The following ATCAY variants were observed in gnomAD, a reference collection of about 807,000 sequenced individuals.
ATCAY encodes caytaxin.
Under a neutral mutation model 47.7 loss-of-function variants are expected in ATCAY, and 22 were observed. That is an observed-to-expected ratio of 0.46 (90% confidence interval 0.33 to 0.66). The LOEUF is 0.66. ATCAY is among the 30% of genes least tolerant of loss of function. ATCAY has a pLI of 0.02. For synonymous variants in ATCAY, 216 were observed against 207.6 expected, an observed-to-expected ratio of 1.04 and a Z score of -0.35; for missense variants, 452 against 515.0, an observed-to-expected ratio of 0.88 and a Z score of 1.18.
intron 2 of ATCAY, among the ~76,000 whole-genome samples, chr19:3,899,648 A>G (rs1202089068): frequency 6.6e-6 from 1 of 152,120 alleles, no homozygotes; most frequent in African/African-American, 2.4e-5. Flanking sequence ...AGGAACATGC[A>G]TTCCACCGCC....
chr19:3,887,678 G>T (rs545096358), intron 2 of ATCAY, among the ~76,000 whole-genome samples: 10 of 150,378 alleles, frequency 6.6e-5, no homozygotes, highest in Non-Finnish European at 1.3e-4. Flanking sequence ...AGTAGAGACG[G>T]GGTTTCACCA....
chr19:3,921,168 C>CT (rs1478281340), intron 12 of ATCAY, among the ~76,000 whole-genome samples: 1 of 152,172 alleles, frequency 6.6e-6, no homozygotes, highest in African/African-American at 2.4e-5. Flanking sequence ...AAAGGGTAGA[C>CT]TGTCCACGCT....
chr19:3,895,528 T>C (rs562792876), intron 2 of ATCAY, among the ~76,000 whole-genome samples: 3 of 152,000 alleles, frequency 2.0e-5, no homozygotes, highest in Non-Finnish European at 2.9e-5. Context: ...ATTTTAGTCA[T>C]GAGGAAAACA....
intron 2 of ATCAY, among the ~76,000 whole-genome samples, chr19:3,886,373 A>G (rs1379912248): frequency 6.6e-6 from 1 of 152,066 alleles, no homozygotes; most frequent in Non-Finnish European, 1.5e-5. Context: ...CGGGCGGATC[A>G]TGAGGTCAGC....
chr19:3,903,397 C>T (rs770174847), intron 3 of ATCAY, among the ~76,000 whole-genome samples: 24 of 152,106 alleles, frequency 1.6e-4, no homozygotes, highest in Admixed American at 2.0e-4. Context: ...TTGCAACGTG[C>T]CTCCGGAGGC....
intron 2 of ATCAY, among the ~76,000 whole-genome samples, chr19:3,900,895 C>CTTTTT (rs59395284): frequency 1.2e-4 from 11 of 92,248 alleles, no homozygotes; most frequent in Non-Finnish European, 1.6e-4. Context: ...TATCCTTCAT[C>CTTTTT]TTTTTTTTTT....
intron 4 of ATCAY, among the ~76,000 whole-genome samples, chr19:3,906,775 T>C (rs2038864902): frequency 6.6e-6 from 1 of 152,006 alleles, no homozygotes; most frequent in South Asian, 2.1e-4. Flanking sequence ...AGGCGTGGGG[T>C]ATATGGCAGG....
chr19:3,900,242 G>A (rs1456547946), intron 2 of ATCAY, among the ~76,000 whole-genome samples: 1 of 150,054 alleles, frequency 6.7e-6, no homozygotes. Context: ...TCCAGGCTGG[G>A]GTGCAGTGGT....
Position 3,907,983 on chromosome 19 carries a change from C to T in ATCAY, c.544+64C>T, listed in dbSNP as rs555200530. 62 of 1,547,310 alleles carry T rather than the reference C, an allele frequency of 4.0e-5. No individual in the cohort carries two copies. In the African/African-American group the frequency reaches 7.3e-4, roughly 18 times the overall value. On this transcript the variant is annotated intron_variant, in intron 5 of 12. Transcript: ENST00000450849. The surrounding 1 kb of genome is among the most constrained non-coding windows in gnomAD (Gnocchi z 5.1). ...CCGGCCCACTGGGCAACAGGGGGTT[C>T]GTCAGTGCCCCTCTCTGATGCACGG...
intron 2 of ATCAY, among the ~76,000 whole-genome samples, chr19:3,900,318 A>C (rs1256135016): frequency 6.6e-6 from 1 of 151,286 alleles, no homozygotes; most frequent in Non-Finnish European, 1.5e-5. Context: ...CAGCCTCCAG[A>C]GTAGCTGGGA....
chr19:3,906,908 T>C (rs1005132983), intron 4 of ATCAY, among the ~76,000 whole-genome samples: 1 of 151,424 alleles, frequency 6.6e-6, no homozygotes, highest in African/African-American at 2.4e-5. Flanking sequence ...GAGGCTGAGG[T>C]GGGCAGATCA....
At chr19:3,887,872 G>T (rs2038676661) in intron 2 of ATCAY, among the ~76,000 whole-genome samples, 1 of 151,272 alleles carries the variant, frequency 6.6e-6, no homozygotes, top group Admixed American at 6.6e-5. Context: ...ACTTTGGGAG[G>T]CCAAGGTGGG....
At chr19:3,881,077 G>C (rs2038594127) in intron 1 of ATCAY, 69 bp downstream of exon 1, 1 of 152,174 alleles carries the variant, frequency 6.6e-6, no homozygotes, top group African/African-American at 2.4e-5. Context: ...GGCAGCCTTT[G>C]CCGCCTCTAA....
In ATCAY at chr19:3,914,161, C is replaced by G. The variant is rs866748659; in HGVS notation, c.965+305C>G. 9.1e-4 allele frequency among the ~76,000 whole-genome samples: 125 copies of G among 137,116 alleles called. 1 individual carries two copies. In the South Asian group the frequency reaches 0.028, roughly 31 times the overall value. The allele number at this position is 137,116 out of a possible 152,430, so 90.0% of individuals were successfully genotyped here. ...TGAGGCAGGAGAATGGCGTGAACCC[C>G]GGAGGCGGAGGTTGCAGTAAGCTGA... On this transcript the variant is annotated intron_variant, in intron 9 of 12. Coordinates refer to ENST00000450849, the MANE Select transcript of ATCAY (RefSeq NM_033064.5).
At chr19:3,897,081 A>G (rs2038776114) in intron 2 of ATCAY, among the ~76,000 whole-genome samples, 1 of 151,930 alleles carries the variant, frequency 6.6e-6, no homozygotes, top group African/African-American at 2.4e-5. Flanking sequence ...GCCCAGCCAG[A>G]AATCTAGACT....
intron 10 of ATCAY, among the ~76,000 whole-genome samples, chr19:3,918,214 G>T (rs1335395724): frequency 6.6e-6 from 1 of 151,876 alleles, no homozygotes. Flanking sequence ...GCGTAACTCC[G>T]TCTCTACCAA....
At chr19:3,901,522 C>T (rs1242785704) in intron 2 of ATCAY, among the ~76,000 whole-genome samples, 2 of 152,042 alleles carry the variant, frequency 1.3e-5, no homozygotes, top group African/African-American at 2.4e-5. Flanking sequence ...CCCACAGGGT[C>T]GCCCTAGAGA....
At position 3,925,654 on chromosome 19, in the gene ATCAY, T is replaced by C. The variant is rs529349487; in HGVS notation, c.*1062T>C. 1 of 152,228 alleles carries C rather than the reference T, an allele frequency of 6.6e-6. No homozygotes were observed. Among genetic ancestry groups the C allele is most frequent in the Non-Finnish European group, 1.5e-5 (1 of 68,050 alleles). The allele number at this position is 152,228 out of a possible 1,614,324, so 9.4% of individuals were successfully genotyped here. On this transcript the variant is annotated 3_prime_UTR_variant, in exon 13 of 13. Coordinates refer to ENST00000450849, the MANE Select transcript of ATCAY (RefSeq NM_033064.5). This position sits in a 1 kb window ranked among gnomAD's most constrained non-coding sequence, Gnocchi z 4.4. Reference sequence around the variant, plus strand: ...ACAGACTTTTCTAATGTGGTCCAAATGCGGATCACTGGTCAGATGGACTCT... The same window carrying C: ...ACAGACTTTTCTAATGTGGTCCAAACGCGGATCACTGGTCAGATGGACTCT...
intron 3 of ATCAY, 39 bp downstream of exon 3, chr19:3,902,584 A>C: frequency 1.3e-6 from 2 of 1,548,564 alleles, no homozygotes; most frequent in Non-Finnish European, 1.7e-6. Flanking sequence ...AAACAGGCTC[A>C]GTGTTTCCGG....
Sources: allele counts gnomAD v4.1 joint callset (sites outside exome capture counted in the v4.1 genomes callset), GRCh38; gene constraint gnomAD v4.1.1; non-coding constraint Gnocchi (gnomAD v3.1); transcripts MANE v1.5; gene names NCBI Gene and HGNC (gene_info 2026-07-23, HGNC 2026-07-21).